PACSIN2: variants seen among roughly 807,000 people sequenced by gnomAD.
PACSIN2 encodes protein kinase C and casein kinase substrate in neurons 2.
In PACSIN2, 25 loss-of-function variants were observed where a neutral mutation model predicts 63.8. That is an observed-to-expected ratio of 0.39 (90% CI 0.29 to 0.55). PACSIN2 has a LOEUF of 0.55. Among genes scored for constraint, PACSIN2 ranks in the 20% least tolerant of loss-of-function variants. PACSIN2 has a pLI of 0.62. For missense variants in PACSIN2, 518 were observed against 646.9 expected (o/e 0.80, Z 2.16); for synonymous variants, 255 against 256.2 (o/e 1.00, Z 0.05).
intron 1 of PACSIN2, chr22:42,959,995 C>G (rs1346353268): frequency 6.6e-6 from 1 of 152,250 alleles, no homozygotes; most frequent in Non-Finnish European, 1.5e-5. Flanking sequence ...CCAGACTGCA[C>G]GCTCCTGCCT....
In PACSIN2 at chr22:43,005,185, C is replaced by G. The variant is rs192888273; in HGVS notation, c.-78+9836G>C. Among the ~76,000 whole-genome samples the G allele has an allele frequency of 5.9e-5, 9 of 152,296 alleles. No individual in the cohort carries two copies. The East Asian group carries it at 1.7e-3, about 29-fold the overall frequency. On this transcript the variant is annotated intron_variant, in intron 1 of 10. Coordinates refer to ENST00000263246, the MANE Select transcript of PACSIN2 (RefSeq NM_001184970.3). The stretch of plus-strand genomic sequence containing the variant: ...TTCACACAGGTGAGCAGTGCTCACA[C>G]CTTTATCATTTGCTTTCTAAGTCCT...
At chr22:42,980,457 A>T (rs1345639570) in intron 1 of PACSIN2, among the ~76,000 whole-genome samples, 1 of 147,758 alleles carries the variant, frequency 6.8e-6, no homozygotes, top group East Asian at 2.0e-4. Context: ...CCCTCAAAAA[A>T]ACAAACAACC....
At chr22:42,992,170 C>A (rs1374508351) in intron 1 of PACSIN2, among the ~76,000 whole-genome samples, 1 of 152,110 alleles carries the variant, frequency 6.6e-6, no homozygotes, top group African/African-American at 2.4e-5. Context: ...GTTAATAAAA[C>A]AACTCAGCTT....
chr22:42,956,721 A>T (rs1488192134), intron 1 of PACSIN2, among the ~76,000 whole-genome samples: 2 of 151,834 alleles, frequency 1.3e-5, no homozygotes, highest in African/African-American at 4.8e-5. Flanking sequence ...CAACAACACA[A>T]ACTCTGAGAT....
chr22:42,996,117 G>A (rs1185481903), intron 1 of PACSIN2, among the ~76,000 whole-genome samples: 1 of 152,156 alleles, frequency 6.6e-6, no homozygotes, highest in Non-Finnish European at 1.5e-5. Flanking sequence ...CTACTTGGGA[G>A]GCTGAGGTAG....
At chr22:42,970,305 T>C (rs747311456) in intron 1 of PACSIN2, among the ~76,000 whole-genome samples, 1 of 152,202 alleles carries the variant, frequency 6.6e-6, no homozygotes, top group African/African-American at 2.4e-5. Flanking sequence ...TTCACCTCTG[T>C]GGGACTCTCC....
At chr22:42,882,622 G>A (rs1929168048) in intron 6 of PACSIN2, among the ~76,000 whole-genome samples, 1 of 152,224 alleles carries the variant, frequency 6.6e-6, no homozygotes, top group African/African-American at 2.4e-5. Flanking sequence ...CATTTCACCA[G>A]GCCCAGAGTT....
intron 1 of PACSIN2, among the ~76,000 whole-genome samples, chr22:42,997,845 C>A (rs1355900061): frequency 6.6e-6 from 1 of 152,170 alleles, no homozygotes; most frequent in African/African-American, 2.4e-5. Flanking sequence ...CACACCACTG[C>A]ACCCCAGCCT....
rs144850270 is a variant in PACSIN2 at position 42,968,142 on chromosome 22, C to T, written c.-78+46879G>A. 8.7e-3 allele frequency among the ~76,000 whole-genome samples: 1,325 copies of T among 152,262 alleles called. 9 individuals are homozygous for T. Among genetic ancestry groups the T allele is most frequent in the Middle Eastern group, 0.031 (9 of 294 alleles). On this transcript the variant is annotated intron_variant, in intron 1 of 10. Transcript: ENST00000263246. ...AAGCTGCAACCCTGGCTCCCTCTGA[C>T]GGCCGAGTGTGTCCTGGACCTCCAC... is the stretch of plus-strand genomic sequence containing the variant.
rs185028665 is a variant in PACSIN2, at chr22:42,966,126, C to G, written c.-78+48895G>C. On this transcript the variant is annotated intron_variant, in intron 1 of 10. Coordinates refer to ENST00000263246, the MANE Select transcript of PACSIN2 (RefSeq NM_001184970.3). ...GTGGCTCACGCCTGTAATCCCAGCA[C>G]TTTGGGAGGCTGAGGCAGGCGGATC... is the stretch of plus-strand genomic sequence containing the variant. 3.1e-3 allele frequency among the ~76,000 whole-genome samples: 469 copies of G among 152,272 alleles called. 3 individuals carry two copies. The highest frequency in any genetic ancestry group is 0.011 in the African/African-American group (462 of 41,550).
At chr22:42,989,918 G>C (rs761166454) in intron 1 of PACSIN2, among the ~76,000 whole-genome samples, 28 of 148,728 alleles carry the variant, frequency 1.9e-4, no homozygotes, top group Non-Finnish European at 3.6e-4. Flanking sequence ...ATATATATGT[G>C]TGTATATATA....
intron 1 of PACSIN2, among the ~76,000 whole-genome samples, chr22:42,975,057 TCCA>T (rs1921597248): frequency 6.6e-6 from 1 of 152,144 alleles, no homozygotes; most frequent in East Asian, 1.9e-4. Flanking sequence ...TGAGCTCTAG[TCCA>T]CCACTTCTAC....
chr22:42,957,570 T>G (rs1294617183), intron 1 of PACSIN2, among the ~76,000 whole-genome samples: 1 of 152,226 alleles, frequency 6.6e-6, no homozygotes, highest in Non-Finnish European at 1.5e-5. Flanking sequence ...CCATTTTTAA[T>G]GATTCTGGAA....
intron 1 of PACSIN2, among the ~76,000 whole-genome samples, chr22:42,953,637 T>C (rs532005842): frequency 1.3e-5 from 2 of 152,310 alleles, no homozygotes; most frequent in South Asian, 2.1e-4. Flanking sequence ...AAGGGTTTCA[T>C]TTAACACGAG....
At chr22:42,980,678 G>A (rs1922038630) in intron 1 of PACSIN2, among the ~76,000 whole-genome samples, 3 of 112,004 alleles carry the variant, frequency 2.7e-5, no homozygotes, top group Non-Finnish European at 5.6e-5. Context: ...TGGTGGAGAC[G>A]GGGTTTCGCT....
At chr22:42,901,240 C>T (rs79395722) in intron 2 of PACSIN2, among the ~76,000 whole-genome samples, 1,847 of 152,230 alleles carry the variant, frequency 0.012, 41 homozygotes, top group African/African-American at 0.042. Flanking sequence ...GCGTACCCCT[C>T]GCCAGGCAAG....
At chr22:42,898,299 T>C (rs1930432531) in intron 2 of PACSIN2, among the ~76,000 whole-genome samples, 1 of 151,602 alleles carries the variant, frequency 6.6e-6, no homozygotes. Context: ...TTGAGACAGT[T>C]TCGCTCTTGT....
intron 1 of PACSIN2, among the ~76,000 whole-genome samples, chr22:42,990,159 A>G (rs184122363): frequency 6.8e-4 from 103 of 151,776 alleles, no homozygotes; most frequent in Middle Eastern, 6.8e-3. Context: ...AAAAAGAATG[A>G]TTTTTAAACA....
At chr22:43,011,590 A>C (rs534270606) in intron 1 of PACSIN2, among the ~76,000 whole-genome samples, 41 of 152,362 alleles carry the variant, frequency 2.7e-4, no homozygotes, top group African/African-American at 8.7e-4. Flanking sequence ...TTAACACAGC[A>C]CAGACTTTCA....
Sources: allele counts gnomAD v4.1 joint callset (sites outside exome capture counted in the v4.1 genomes callset), GRCh38; gene constraint gnomAD v4.1.1; transcripts MANE v1.5; gene names NCBI Gene and HGNC (gene_info 2026-07-23, HGNC 2026-07-21).